The following CACNA1B variants were observed in gnomAD, a reference collection of about 807,000 sequenced individuals.
The protein encoded by CACNA1B is voltage-dependent N-type calcium channel subunit alpha-1B.
CACNA1B carries 70 observed loss-of-function variants against 247.2 expected under a neutral mutation model. The ratio of observed to expected loss-of-function variants is 0.28; its 90% CI spans 0.23 to 0.35. The LOEUF is 0.35. CACNA1B is among the 10% of genes least tolerant of loss of function. CACNA1B has a pLI of 1.00. For missense variants in CACNA1B, 2,367 were observed against 3,197.4 expected (o/e 0.74, Z 6.26); for synonymous variants, 1,231 against 1,294.4 (o/e 0.95, Z 1.05).
chr9:138,053,511 C>A (rs1363990656), intron 25 of CACNA1B, among the ~76,000 whole-genome samples: 1 of 152,152 alleles, frequency 6.6e-6, no homozygotes, highest in Non-Finnish European at 1.5e-5. Context: ...GTCCTCTCTC[C>A]TGGCTCCCTT....
chr9:138,077,539 T>G (rs57378360), intron 35 of CACNA1B, among the ~76,000 whole-genome samples: 6,264 of 152,222 alleles, frequency 0.041, 439 homozygotes, highest in African/African-American at 0.14. Context: ...GGAGGAAGAA[T>G]GTGATCTGAC....
rs1957054383 is a variant in CACNA1B, at chr9:137,888,823, G to A, written c.530+5940G>A. Reference sequence around the variant, plus strand: ...GTGGACGCAGGCCGATTCAGATGGTGGCAGGCACTTCTCAGGGAGAAGCCA... The same window carrying A: ...GTGGACGCAGGCCGATTCAGATGGTAGCAGGCACTTCTCAGGGAGAAGCCA... On this transcript the variant is annotated intron_variant, in intron 3 of 46. Transcript: ENST00000371372. This position sits in a 1 kb window ranked among gnomAD's most constrained non-coding sequence, Gnocchi z 4.7. Among the ~76,000 whole-genome samples the A allele has an allele frequency of 6.6e-6, 1 of 152,240 alleles. No homozygotes were observed. Among genetic ancestry groups the A allele is most frequent in the Admixed American group, 6.5e-5 (1 of 15,290 alleles).
In CACNA1B at chr9:138,023,033, G is replaced by T. The variant is rs1484544683; in HGVS notation, c.2290G>T (p.Ala764Ser). Residue 764 changes from alanine (A) to serine (S), a missense_variant, in exon 19 of 47, where the codon GCG becomes TCG. Transcript: ENST00000371372. ...CAGCAGGCAGCAGAACTCGGCCAAG[G>T]CGCGCTCGGTGTGGGAGCAGCGGGC... is the stretch of plus-strand genomic sequence containing the variant. Reference protein sequence around the residue: ...IAARQQNSAKARSVWEQRASQ... With the variant: ...IAARQQNSAKSRSVWEQRASQ... The T allele has an allele frequency of 6.6e-7, 1 of 1,519,916 alleles. No homozygotes were observed. 94.2% of individuals were successfully genotyped at this position (1,519,916 alleles called of 1,614,324 possible).
At chr9:138,040,204 C>T (rs1321167000) in intron 20 of CACNA1B, among the ~76,000 whole-genome samples, 1 of 152,086 alleles carries the variant, frequency 6.6e-6, no homozygotes, top group Non-Finnish European at 1.5e-5. Flanking sequence ...CTCCAAAGTG[C>T]TGGGATTACG....
chr9:138,043,986 G>A, intron 21 of CACNA1B, 86 bp downstream of exon 21: 1 of 1,501,474 alleles, frequency 6.7e-7, no homozygotes, highest in African/African-American at 1.4e-5. Context: ...AGCGTGCACT[G>A]ATTCTGCGCA....
At chr9:138,000,221 C>T (rs1164688211) in intron 15 of CACNA1B, among the ~76,000 whole-genome samples, 2 of 151,816 alleles carry the variant, frequency 1.3e-5, no homozygotes, top group African/African-American at 2.4e-5. Context: ...GCCTCAGCCT[C>T]CCGAGTGGCT....
At chr9:137,900,188 G>A (rs1454365528) in intron 3 of CACNA1B, among the ~76,000 whole-genome samples, 1 of 152,148 alleles carries the variant, frequency 6.6e-6, no homozygotes, top group South Asian at 2.1e-4. Flanking sequence ...GTGCCCCCCT[G>A]GCCCACGCGG....
intron 3 of CACNA1B, among the ~76,000 whole-genome samples, chr9:137,909,761 C>CT (rs989259265): frequency 3.3e-5 from 5 of 149,620 alleles, no homozygotes; most frequent in Admixed American, 6.7e-5. Context: ...CTATGTTTAA[C>CT]TTTTTTTTTT....
intron 11 of CACNA1B, 130 bp from the exon 12 acceptor site, chr9:137,975,777 T>C (rs1307830104): frequency 7.2e-6 from 5 of 694,626 alleles, no homozygotes; most frequent in Non-Finnish European, 1.3e-5. Context: ...CTTCAGAGCA[T>C]AGGACCATAG....
chr9:138,052,209 C>CT lies in CACNA1B; in HGVS notation c.3807+23dup. ...TCAAGGTTAGAGCCTGGAGTTGGGG[C>CT]TTGAGGGATGTGCTGTGTGTGTGTG... On this transcript the variant is annotated intron_variant, in intron 25 of 46. Transcript: ENST00000371372. The surrounding 1 kb of genome is among the most constrained non-coding windows in gnomAD (Gnocchi z 5.1). 1 of 1,419,128 alleles carries CT rather than the reference C, an allele frequency of 7.0e-7. No individual in the cohort carries two copies. Among genetic ancestry groups the CT allele is most frequent in the South Asian group, 1.2e-5 (1 of 84,596 alleles). The allele number at this position is 1,419,128 out of a possible 1,614,324, so 87.9% of individuals were successfully genotyped here.
chr9:137,967,234 AG>A (rs986947643), intron 10 of CACNA1B, among the ~76,000 whole-genome samples: 13 of 152,220 alleles, frequency 8.5e-5, no homozygotes, highest in Admixed American at 2.6e-4. Flanking sequence ...TAGCATCTTT[AG>A]TACCAAGATG....
Position 137,952,400 on chromosome 9 carries a change from T to C in CACNA1B, c.1070+23T>C. On this transcript the variant is annotated intron_variant, in intron 7 of 46. Coordinates refer to ENST00000371372, the MANE Select transcript of CACNA1B (RefSeq NM_000718.4). The surrounding 1 kb of genome is among the most constrained non-coding windows in gnomAD (Gnocchi z 4.8). ...GGGGTGAGAGACCATGTGGGGGATG[T>C]GCAGGTGCCCCTCTGTGTTCTCAGC... The C allele has an allele frequency of 6.3e-7, 1 of 1,584,990 alleles. No homozygotes were observed. Among genetic ancestry groups the C allele is most frequent in the Non-Finnish European group, 8.7e-7 (1 of 1,153,728 alleles).
chr9:138,043,371 T>C (rs1250513598), intron 20 of CACNA1B, among the ~76,000 whole-genome samples: 3 of 152,142 alleles, frequency 2.0e-5, no homozygotes, highest in African/African-American at 7.2e-5. Context: ...TCTGTGGGTT[T>C]GTGGATCGGG....
rs1245232096 is a variant in CACNA1B at position 137,882,900 on chromosome 9, C to T, written c.530+17C>T. On this transcript the variant is annotated intron_variant, in intron 3 of 46. Transcript: ENST00000371372. This position sits in a 1 kb window ranked among gnomAD's most constrained non-coding sequence, Gnocchi z 4.0. ...CCTCACAGGGTAGGCAAGCTGAGGCCAGGAGGCCCAGCGTGTGAGGCCCGG... is the reference window on the plus strand; with the variant it reads ...CCTCACAGGGTAGGCAAGCTGAGGCTAGGAGGCCCAGCGTGTGAGGCCCGG... 1.2e-6 allele frequency: 2 copies of T among 1,610,784 alleles called. No individual in the cohort carries two copies. The highest frequency in any genetic ancestry group is 1.6e-4 in the Middle Eastern group (1 of 6,066).
chr9:137,923,096 G>A (rs1248443605), intron 6 of CACNA1B, among the ~76,000 whole-genome samples: 1 of 152,192 alleles, frequency 6.6e-6, no homozygotes, highest in Non-Finnish European at 1.5e-5. Flanking sequence ...GTTCACCCAG[G>A]TGTTGGTAGC....
intron 39 of CACNA1B, among the ~76,000 whole-genome samples, chr9:138,111,292 A>T (rs541037693): frequency 6.6e-6 from 1 of 152,284 alleles, no homozygotes; most frequent in Non-Finnish European, 1.5e-5. Flanking sequence ...TGGTGCATTC[A>T]TACAATTAAA....
intron 6 of CACNA1B, among the ~76,000 whole-genome samples, chr9:137,949,539 G>T (rs560205800): frequency 1.3e-5 from 2 of 151,972 alleles, no homozygotes; most frequent in African/African-American, 4.8e-5. Flanking sequence ...GTGTCTGTGT[G>T]TGTGTGTGGA....
At chr9:137,948,818 G>A (rs960720222) in intron 6 of CACNA1B, among the ~76,000 whole-genome samples, 1 of 147,666 alleles carries the variant, frequency 6.8e-6, no homozygotes, top group African/African-American at 2.5e-5. Flanking sequence ...GTGCATGTGT[G>A]TGTGGTGTGT....
At position 137,917,054 on chromosome 9, in the gene CACNA1B, C is replaced by T. The variant is rs996944837; in HGVS notation, c.776-187C>T. Among the ~76,000 whole-genome samples, 6 of 151,928 alleles carry T rather than the reference C, an allele frequency of 3.9e-5. No homozygotes were observed. The highest frequency in any genetic ancestry group is 1.2e-4 in the African/African-American group (5 of 41,358). On this transcript the variant is annotated intron_variant, in intron 5 of 46. Coordinates refer to ENST00000371372, the MANE Select transcript of CACNA1B (RefSeq NM_000718.4). The surrounding 1 kb of genome is among the most constrained non-coding windows in gnomAD (Gnocchi z 5.5). ...TCCCTGAGTTGGTCACTCGTGAGCT[C>T]GGGGTCAGCAAGAGGCGATGCCTGA...
Sources: gnomAD v4.1 joint callset for allele counts (sites outside exome capture counted in the v4.1 genomes callset) on GRCh38, gnomAD v4.1.1 for gene constraint, Gnocchi (gnomAD v3.1) non-coding constraint, MANE v1.5 for transcripts, NCBI Gene and HGNC (gene_info 2026-07-23, HGNC 2026-07-21) for gene names.